Variants in LUZP2 observed in about 807,000 individuals in gnomAD.
The protein encoded by LUZP2 is leucine zipper protein 2.
Under a neutral mutation model 51.6 loss-of-function variants are expected in LUZP2, and 52 were observed. That is an observed-to-expected ratio of 1.01 (90% CI 0.81 to 1.27). LUZP2 has a LOEUF of 1.27. Among genes scored for constraint, LUZP2 ranks in the 50% most tolerant of loss-of-function variants. The pLI is 0.00. For synonymous variants in LUZP2, 154 were observed against 137.3 expected, an observed-to-expected ratio of 1.12 and a Z score of -0.85; for missense variants, 436 against 395.4, an observed-to-expected ratio of 1.10 and a Z score of -0.87.
rs538613508 is a variant in LUZP2 at position 24,704,185 on chromosome 11, G to A, written c.63-24984G>A. ...ATCAGGGATATTTCTTTGCTTTAGC[G>A]TCTTTGGAGGGGAAAGGGACAACAC... is the stretch of plus-strand genomic sequence containing the variant. On this transcript the variant is annotated intron_variant, in intron 1 of 11. Coordinates refer to ENST00000336930, the MANE Select transcript of LUZP2 (RefSeq NM_001009909.4). Among the ~76,000 whole-genome samples the A allele has an allele frequency of 9.9e-5, 15 of 152,216 alleles. No individual in the cohort carries two copies. The South Asian group carries it at 2.3e-3, about 23-fold the overall frequency.
chr11:24,545,146 T>C (rs530018996), intron 1 of LUZP2, among the ~76,000 whole-genome samples: 1 of 151,880 alleles, frequency 6.6e-6, no homozygotes, highest in Middle Eastern at 3.4e-3. Context: ...CTTGCTGATT[T>C]CAGTTCTTAA....
chr11:24,792,192 G>C (rs1849427253), intron 5 of LUZP2, among the ~76,000 whole-genome samples: 2 of 152,032 alleles, frequency 1.3e-5, no homozygotes, highest in African/African-American at 2.4e-5. Flanking sequence ...AGTTTGGGAG[G>C]TGGAGGCAGG....
intron 9 of LUZP2, among the ~76,000 whole-genome samples, chr11:24,996,110 A>G (rs75344124): frequency 6.6e-6 from 1 of 151,488 alleles, no homozygotes; most frequent in Non-Finnish European, 1.5e-5. Flanking sequence ...TATATTTAAC[A>G]ACAAATTGTG....
At chr11:24,645,715 T>A (rs543486700) in intron 1 of LUZP2, among the ~76,000 whole-genome samples, 1 of 152,122 alleles carries the variant, frequency 6.6e-6, no homozygotes, top group Non-Finnish European at 1.5e-5. Context: ...TTGTCCATTT[T>A]CAGTTTCAAT....
chr11:24,735,008 G>A (rs970932), intron 3 of LUZP2, among the ~76,000 whole-genome samples: 109,929 of 151,648 alleles, frequency 0.72, 40,276 homozygotes, highest in Admixed American at 0.83. Context: ...GGTGGCCACC[G>A]AAACAAAAAC....
chr11:25,046,832 C>T (rs1163020370), intron 9 of LUZP2, among the ~76,000 whole-genome samples: 2 of 152,010 alleles, frequency 1.3e-5, no homozygotes, highest in East Asian at 1.9e-4. Flanking sequence ...CCATATATAG[C>T]ATCATTTCAT....
chr11:24,999,713 G>A (rs1856622659), intron 9 of LUZP2, among the ~76,000 whole-genome samples: 1 of 152,100 alleles, frequency 6.6e-6, no homozygotes, highest in Admixed American at 6.6e-5. Context: ...ATATTTCTAA[G>A]CACTTCTCAC....
chr11:24,594,001 G>T (rs1853344023), intron 1 of LUZP2, among the ~76,000 whole-genome samples: 1 of 152,144 alleles, frequency 6.6e-6, no homozygotes, highest in Admixed American at 6.6e-5. Flanking sequence ...GTATATACCT[G>T]CCAGAGTGCC....
intron 1 of LUZP2, among the ~76,000 whole-genome samples, chr11:24,681,050 C>T (rs1856719445): frequency 6.6e-6 from 1 of 150,982 alleles, no homozygotes; most frequent in Admixed American, 6.6e-5. Context: ...GGCGCAATCT[C>T]GGCTCACTGC....
intron 1 of LUZP2, among the ~76,000 whole-genome samples, chr11:24,562,479 A>AG (rs1206041995): frequency 7.3e-5 from 11 of 151,560 alleles, no homozygotes; most frequent in Admixed American, 3.9e-4. Context: ...GGAAAAAAAA[A>AG]GAAAAGAAAC....
intron 7 of LUZP2, among the ~76,000 whole-genome samples, chr11:24,968,404 C>T (rs1855650317): frequency 6.6e-6 from 1 of 152,104 alleles, no homozygotes; most frequent in African/African-American, 2.4e-5. Flanking sequence ...AAGATTTTGA[C>T]TGTGGGCTGT....
intron 9 of LUZP2, among the ~76,000 whole-genome samples, chr11:25,008,078 C>T (rs144151425): frequency 6.6e-6 from 1 of 152,278 alleles, no homozygotes; most frequent in Non-Finnish European, 1.5e-5. Context: ...AGATGGAAAT[C>T]TGTGTGACCA....
chr11:24,666,644 G>A (rs1223194724), intron 1 of LUZP2, among the ~76,000 whole-genome samples: 2 of 152,092 alleles, frequency 1.3e-5, no homozygotes, highest in Admixed American at 6.5e-5. Flanking sequence ...TATATAATTG[G>A]ATCTTTTTTC....
intron 5 of LUZP2, among the ~76,000 whole-genome samples, chr11:24,801,233 A>C (rs1479059165): frequency 6.6e-6 from 1 of 152,076 alleles, no homozygotes; most frequent in African/African-American, 2.4e-5. Context: ...TTTTAAAATC[A>C]TTGTTGGTGA....
chr11:24,973,558 T>C (rs552918636), intron 7 of LUZP2, among the ~76,000 whole-genome samples: 1 of 151,858 alleles, frequency 6.6e-6, no homozygotes, highest in Admixed American at 6.6e-5. Context: ...ATTCTTCTAC[T>C]TTTTTTGACG....
intron 5 of LUZP2, among the ~76,000 whole-genome samples, chr11:24,849,648 G>T (rs180992162): frequency 6.6e-6 from 1 of 152,112 alleles, no homozygotes; most frequent in African/African-American, 2.4e-5. Flanking sequence ...CCTATAATTG[G>T]GATTGCTGGG....
chr11:24,528,139 A>T (rs973549516), intron 1 of LUZP2, among the ~76,000 whole-genome samples: 1 of 151,410 alleles, frequency 6.6e-6, no homozygotes, highest in Non-Finnish European at 1.5e-5. Flanking sequence ...ATAATTGAAA[A>T]TATAAAAGGA....
chr11:24,746,360 G>C (rs954837701), intron 4 of LUZP2, among the ~76,000 whole-genome samples: 1 of 152,134 alleles, frequency 6.6e-6, no homozygotes. Flanking sequence ...TGTTTTGTTT[G>C]AGAAAGCTGA....
At chr11:24,532,632 A>C (rs1332423455) in intron 1 of LUZP2, among the ~76,000 whole-genome samples, 1 of 151,028 alleles carries the variant, frequency 6.6e-6, no homozygotes, top group African/African-American at 2.4e-5. Context: ...TTACATAGTA[A>C]CTTTCTGTAA....
Sources: allele counts gnomAD v4.1 joint callset (sites outside exome capture counted in the v4.1 genomes callset), GRCh38; gene constraint gnomAD v4.1.1; transcripts MANE v1.5; gene names NCBI Gene and HGNC (gene_info 2026-07-23, HGNC 2026-07-21).